The following SDK1 variants were observed in gnomAD, a reference collection of about 807,000 sequenced individuals.
SDK1 encodes the protein sidekick cell adhesion molecule 1.
Under a neutral mutation model 245.5 loss-of-function variants are expected in SDK1, and 157 were observed. The observed-to-expected ratio is 0.64, with a 90% CI of 0.56 to 0.73. The LOEUF (loss-of-function observed/expected upper bound fraction) is 0.73, where lower values mean the gene tolerates loss of function less well. Ranked by LOEUF, SDK1 falls within the 30% of genes least tolerant of loss-of-function variation. The pLI is 0.00. For missense variants in SDK1, 3,583 were observed against 3,002.3 expected, an observed-to-expected ratio of 1.19 and a Z score of -4.52; for synonymous variants, 1,647 against 1,278.5, an observed-to-expected ratio of 1.29 and a Z score of -6.15.
chr7:3,385,954 C>T (rs564117889), intron 1 of SDK1, among the ~76,000 whole-genome samples: 1 of 152,114 alleles, frequency 6.6e-6, no homozygotes, highest in Non-Finnish European at 1.5e-5. Context: ...AATACATGTG[C>T]TCTCCCTTTC....
In SDK1 at chr7:4,129,875, C is replaced by T. The variant is rs558290744; in HGVS notation, c.3940-33C>T. ...CGGCGGTCCCTCCTGGCACCCGCCT[C>T]CTGATAACCCTCGTGCTGTGTCGAT... On this transcript the variant is annotated intron_variant, in intron 26 of 44. Transcript: ENST00000404826. 9.9e-6 allele frequency: 16 copies of T among 1,610,948 alleles called. 1 individual carries two copies. In the South Asian group the frequency reaches 1.8e-4, roughly 18 times the overall value.
intron 4 of SDK1, among the ~76,000 whole-genome samples, chr7:3,667,979 G>A (rs1562643350): frequency 6.6e-6 from 1 of 152,144 alleles, no homozygotes; most frequent in Admixed American, 6.5e-5. Context: ...AGACTTTCTG[G>A]TAAGTGTATG....
intron 5 of SDK1, among the ~76,000 whole-genome samples, chr7:3,910,371 T>C (rs961710113): frequency 6.0e-4 from 92 of 152,198 alleles, no homozygotes; most frequent in African/African-American, 2.1e-3. Context: ...ACTCTCTGTG[T>C]TGGAGAATTT....
intron 22 of SDK1, among the ~76,000 whole-genome samples, chr7:4,089,974 G>A (rs948010562): frequency 1.3e-5 from 2 of 152,148 alleles, no homozygotes; most frequent in South Asian, 2.1e-4. Flanking sequence ...AAGACTACAG[G>A]CCGGTTATTT....
At chr7:3,898,193 A>G (rs572196200) in intron 5 of SDK1, among the ~76,000 whole-genome samples, 3 of 152,224 alleles carry the variant, frequency 2.0e-5, no homozygotes, top group Non-Finnish European at 4.4e-5. Context: ...ACTCAGTGAC[A>G]GAGGTTATTT....
chr7:3,597,822 C>T (rs1220979031), intron 1 of SDK1, among the ~76,000 whole-genome samples: 1 of 152,144 alleles, frequency 6.6e-6, no homozygotes. Context: ...GCTGAGTTTA[C>T]CAGTTTGTTT....
chr7:4,207,806 A>C (rs147580207), intron 36 of SDK1, among the ~76,000 whole-genome samples: 1,656 of 152,206 alleles, frequency 0.011, 32 homozygotes, highest in African/African-American at 0.038. Context: ...CGTCCTCACA[A>C]CTTATCTTCA....
At chr7:3,643,978 C>A (rs1034806924) in intron 4 of SDK1, among the ~76,000 whole-genome samples, 6 of 150,900 alleles carry the variant, frequency 4.0e-5, no homozygotes, top group Admixed American at 1.3e-4. Flanking sequence ...TCTCAGCTCA[C>A]TGCAACCTTT....
intron 2 of SDK1, among the ~76,000 whole-genome samples, chr7:3,620,762 T>G (rs1489931209): frequency 6.6e-6 from 1 of 152,142 alleles, no homozygotes; most frequent in African/African-American, 2.4e-5. Flanking sequence ...GGACACTCCC[T>G]GGTTCTCCTC....
At chr7:3,630,567 C>G (rs1379551919) in intron 2 of SDK1, among the ~76,000 whole-genome samples, 1 of 152,048 alleles carries the variant, frequency 6.6e-6, no homozygotes, top group Non-Finnish European at 1.5e-5. Context: ...ACCCAGGAGG[C>G]AGAGATTGCA....
chr7:3,309,709 G>A (rs564138648), intron 1 of SDK1, among the ~76,000 whole-genome samples: 95 of 152,102 alleles, frequency 6.2e-4, no homozygotes, highest in African/African-American at 2.2e-3. Flanking sequence ...AAACATGGCT[G>A]TTACCCTAAA....
At chr7:3,766,075 G>C (rs1474341613) in intron 4 of SDK1, among the ~76,000 whole-genome samples, 2 of 152,158 alleles carry the variant, frequency 1.3e-5, no homozygotes, top group African/African-American at 4.8e-5. Context: ...TTTCCCAAGA[G>C]ATGACATTTC....
chr7:3,442,550 G>A (rs1158198824), intron 1 of SDK1, among the ~76,000 whole-genome samples: 1 of 152,136 alleles, frequency 6.6e-6, no homozygotes, highest in Non-Finnish European at 1.5e-5. Flanking sequence ...TGTGGTTGAG[G>A]GCATGAAGTC....
intron 5 of SDK1, among the ~76,000 whole-genome samples, chr7:3,916,633 G>A (rs1351883085): frequency 6.6e-6 from 1 of 152,184 alleles, no homozygotes; most frequent in African/African-American, 2.4e-5. Flanking sequence ...ATTTCTGTTT[G>A]CCTGTACTTT....
chr7:3,389,557 A>G (rs1013133503), intron 1 of SDK1, among the ~76,000 whole-genome samples: 9 of 152,176 alleles, frequency 5.9e-5, no homozygotes, highest in Non-Finnish European at 8.8e-5. Context: ...TAATAAAGGT[A>G]TGTTATTTTA....
At chr7:4,021,514 G>A (rs1786893172) in intron 17 of SDK1, among the ~76,000 whole-genome samples, 1 of 152,208 alleles carries the variant, frequency 6.6e-6, no homozygotes, top group Admixed American at 6.5e-5. Flanking sequence ...AGGTGGGGCA[G>A]TCATAGCAGC....
At chr7:4,164,198 C>T (rs1005920585) in intron 32 of SDK1, among the ~76,000 whole-genome samples, 1 of 152,176 alleles carries the variant, frequency 6.6e-6, no homozygotes, top group African/African-American at 2.4e-5. Flanking sequence ...CAGCCTGGGC[C>T]CCACCTCTGC....
intron 44 of SDK1, among the ~76,000 whole-genome samples, chr7:4,263,418 G>A (rs1475874650): frequency 2.0e-5 from 3 of 150,990 alleles, no homozygotes; most frequent in African/African-American, 7.3e-5. Context: ...GGGTGGGAAG[G>A]CTGTGTAGAC....
At chr7:3,926,397 AT>A (rs1779768516) in intron 5 of SDK1, among the ~76,000 whole-genome samples, 1 of 152,158 alleles carries the variant, frequency 6.6e-6, no homozygotes, top group African/African-American at 2.4e-5. Context: ...CAGCTGTTAC[AT>A]TTGTTTCTAT....
Sources: allele counts gnomAD v4.1 joint callset (sites outside exome capture counted in the v4.1 genomes callset), GRCh38; gene constraint gnomAD v4.1.1; transcripts MANE v1.5; gene names NCBI Gene and HGNC (gene_info 2026-07-23, HGNC 2026-07-21).